The following SV2C variants were observed in gnomAD, a reference collection of about 807,000 sequenced individuals.
SV2C encodes solute carrier family 22 member B3.
In SV2C, 49 loss-of-function variants were observed where a neutral mutation model predicts 79.7. The observed-to-expected ratio is 0.61, with a 90% CI of 0.49 to 0.78. The LOEUF (loss-of-function observed/expected upper bound fraction) is 0.78. Ranked by LOEUF, SV2C falls within the 30% of genes least tolerant of loss-of-function variation. The probability of loss-of-function intolerance (pLI) is 0.00; values close to 1 mark genes in which losing one functional copy is unlikely to be tolerated. For synonymous variants in SV2C, 334 were observed against 333.2 expected (o/e 1.00, Z -0.03); for missense variants, 833 against 912.9 (o/e 0.91, Z 1.13).
the SV2C span, among the ~76,000 whole-genome samples, chr5:75,931,253 C>G: frequency 2.6e-5 from 4 of 152,206 alleles, no homozygotes; most frequent in Non-Finnish European, 5.9e-5. Flanking sequence ...CACATCTAAC[C>G]ATTTGAAGGG....
At chr5:76,203,418 C>T (rs989565582) in intron 3 of SV2C, among the ~76,000 whole-genome samples, 3 of 152,176 alleles carry the variant, frequency 2.0e-5, no homozygotes, top group African/African-American at 7.2e-5. Context: ...CATGTTCTAT[C>T]ATTAATTATA....
At chr5:76,316,717 C>T (rs1748635059) in intron 12 of SV2C, among the ~76,000 whole-genome samples, 1 of 152,048 alleles carries the variant, frequency 6.6e-6, no homozygotes, top group Non-Finnish European at 1.5e-5. Context: ...CGGGGAGAGG[C>T]AGAGAACACC....
chr5:76,199,744 A>G (rs1000899885), intron 3 of SV2C, among the ~76,000 whole-genome samples: 1 of 152,226 alleles, frequency 6.6e-6, no homozygotes, highest in African/African-American at 2.4e-5. Context: ...AGTGAAATAG[A>G]TAGGAAGCCT....
At chr5:76,203,052 A>G (rs1182416212) in intron 3 of SV2C, among the ~76,000 whole-genome samples, 1 of 152,196 alleles carries the variant, frequency 6.6e-6, no homozygotes, top group Non-Finnish European at 1.5e-5. Flanking sequence ...TTACTTTCCA[A>G]CAAAAAGGCT....
intron 2 of SV2C, among the ~76,000 whole-genome samples, chr5:76,183,867 C>T (rs1484081859): frequency 1.3e-5 from 2 of 152,158 alleles, no homozygotes; most frequent in African/African-American, 4.8e-5. Context: ...AACCATCACC[C>T]TGTATGTGAA....
At chr5:76,321,140 G>A (rs1402083173) in intron 12 of SV2C, among the ~76,000 whole-genome samples, 8 of 152,174 alleles carry the variant, frequency 5.3e-5, no homozygotes, top group South Asian at 2.1e-4. Context: ...GAGTCCACAC[G>A]TTATGGAAAC....
At chr5:76,262,310 A>T (rs899991003) in intron 4 of SV2C, among the ~76,000 whole-genome samples, 1 of 151,732 alleles carries the variant, frequency 6.6e-6, no homozygotes, top group Non-Finnish European at 1.5e-5. Flanking sequence ...TATTGTGTCT[A>T]TTTGATTTTT....
intron 1 of SV2C, among the ~76,000 whole-genome samples, chr5:76,108,291 A>C (rs186249341): frequency 1.3e-4 from 20 of 152,338 alleles, no homozygotes; most frequent in Admixed American, 1.3e-3. Context: ...TAATGTGAGA[A>C]TAGTAAAGTT....
At chr5:75,978,166 G>T in the SV2C span, among the ~76,000 whole-genome samples, 1 of 152,106 alleles carries the variant, frequency 6.6e-6, no homozygotes, top group East Asian at 1.9e-4. Flanking sequence ...TCTCAGTCCT[G>T]TTCTTATTCC....
chr5:75,876,950 A>C, the SV2C span, among the ~76,000 whole-genome samples: 1 of 152,272 alleles, frequency 6.6e-6, no homozygotes, highest in East Asian at 1.9e-4. Context: ...ATCTATATCA[A>C]TAACAACATT....
chr5:75,876,936 A>G, the SV2C span, among the ~76,000 whole-genome samples: 4 of 152,178 alleles, frequency 2.6e-5, no homozygotes, highest in Admixed American at 6.5e-5. Context: ...AAATAGTGAC[A>G]TAAATCTATA....
intron 6 of SV2C, among the ~76,000 whole-genome samples, chr5:76,291,019 A>G (rs1278339417): frequency 6.6e-6 from 1 of 151,868 alleles, no homozygotes; most frequent in Admixed American, 6.6e-5. Context: ...TTTCCCTCTC[A>G]CTCATTCCTT....
chr5:76,177,042 G>A (rs1246346146), intron 2 of SV2C, among the ~76,000 whole-genome samples: 2 of 151,380 alleles, frequency 1.3e-5, no homozygotes, highest in African/African-American at 2.4e-5. Context: ...GTGAACCCGG[G>A]AGGCAGAGCT....
chr5:76,269,669 T>A (rs1249781411), intron 4 of SV2C, among the ~76,000 whole-genome samples: 4 of 152,238 alleles, frequency 2.6e-5, no homozygotes, highest in Non-Finnish European at 5.9e-5. Flanking sequence ...CATTTGAATC[T>A]GCAAGTTCTG....
chr5:75,940,879 T>G, the SV2C span, among the ~76,000 whole-genome samples: 1 of 152,208 alleles, frequency 6.6e-6, no homozygotes. Flanking sequence ...GTATTTAAAG[T>G]GTAATTTTGC....
chr5:75,934,386 A>G, the SV2C span, among the ~76,000 whole-genome samples: 3 of 141,654 alleles, frequency 2.1e-5, no homozygotes, highest in Non-Finnish European at 4.5e-5. Context: ...TCCCTGATTC[A>G]AATGATTCTC....
the SV2C span, among the ~76,000 whole-genome samples, chr5:75,965,701 T>C: frequency 3.9e-5 from 6 of 152,294 alleles, no homozygotes; most frequent in South Asian, 1.2e-3. Context: ...ATTTCTCTCC[T>C]CTTTCTATAG....
the SV2C span, chr5:76,075,710 G>T: frequency 2.8e-6 from 1 of 363,084 alleles, no homozygotes; most frequent in Non-Finnish European, 5.7e-6. Context: ...CCAGAAGCTA[G>T]AAAGAAGGGC....
the SV2C span, among the ~76,000 whole-genome samples, chr5:76,023,349 G>T: frequency 6.6e-6 from 1 of 152,080 alleles, no homozygotes; most frequent in East Asian, 1.9e-4. Context: ...CTGCTCCTTC[G>T]TTTCCAAAGG....
Sources: gnomAD v4.1 joint callset for allele counts (sites outside exome capture counted in the v4.1 genomes callset) on GRCh38, gnomAD v4.1.1 for gene constraint, MANE v1.5 for transcripts, NCBI Gene and HGNC (gene_info 2026-07-23, HGNC 2026-07-21) for gene names.